Variants in PXDNL observed in about 807,000 individuals in gnomAD.
PXDNL encodes peroxidasin like, also known as probable oxidoreductase PXDNL.
In PXDNL, 145 loss-of-function variants were observed where a neutral mutation model predicts 150.8. The ratio of observed to expected loss-of-function variants is 0.96; its 90% confidence interval spans 0.84 to 1.10. PXDNL has a LOEUF of 1.10. PXDNL is among the 50% of genes least tolerant of loss of function. The pLI is 0.00. For synonymous variants in PXDNL, 757 were observed against 725.7 expected (o/e 1.04, Z -0.69); for missense variants, 2,087 against 1,873.9 (o/e 1.11, Z -2.10).
chr8:51,400,405 T>G (rs1454256844), intron 17 of PXDNL, among the ~76,000 whole-genome samples: 1 of 152,206 alleles, frequency 6.6e-6, no homozygotes, highest in Non-Finnish European at 1.5e-5. Context: ...ATTTCAGGAA[T>G]TTTGAATTTT....
chr8:51,772,237 TACACACAC>T (rs139112734), intron 1 of PXDNL, among the ~76,000 whole-genome samples: 1 of 130,340 alleles, frequency 7.7e-6, no homozygotes, highest in Non-Finnish European at 1.8e-5. Context: ...TCTCTCTATA[TACACACAC>T]ACACACACAC....
At chr8:51,545,624 T>C (rs190600473) in intron 4 of PXDNL, among the ~76,000 whole-genome samples, 48 of 152,238 alleles carry the variant, frequency 3.2e-4, no homozygotes, top group African/African-American at 1.1e-3. Context: ...CATGGCCTTA[T>C]GTCATCCCAT....
intron 3 of PXDNL, among the ~76,000 whole-genome samples, chr8:51,591,674 A>C (rs531127382): frequency 3.3e-5 from 5 of 151,554 alleles, no homozygotes; most frequent in Non-Finnish European, 7.4e-5. Context: ...GCTGGAGTGC[A>C]GTGGCGCCAT....
chr8:51,524,036 A>G (rs1224904147), intron 4 of PXDNL, among the ~76,000 whole-genome samples: 1 of 152,244 alleles, frequency 6.6e-6, no homozygotes, highest in African/African-American at 2.4e-5. Context: ...CCTCTGCAGC[A>G]GGATCTGGGC....
Position 51,801,650 on chromosome 8 carries a change from T to C in PXDNL, c.164+7531A>G, listed in dbSNP as rs138783939. 4.0e-3 allele frequency among the ~76,000 whole-genome samples: 607 copies of C among 152,292 alleles called. 4 individuals carry two copies. Among genetic ancestry groups the C allele is most frequent in the Middle Eastern group, 0.01 (3 of 294 alleles). On this transcript the variant is annotated intron_variant, in intron 1 of 22. Coordinates refer to ENST00000356297, the MANE Select transcript of PXDNL (RefSeq NM_144651.5). Reference sequence around the variant, plus strand: ...AATAGAAAGGACCTATGTTGAAATATTGGGGGCTGGTTCCCGATAAAGAAC... The same window carrying C: ...AATAGAAAGGACCTATGTTGAAATACTGGGGGCTGGTTCCCGATAAAGAAC...
intron 2 of PXDNL, among the ~76,000 whole-genome samples, chr8:51,608,002 G>GAAGGAAGAAAGAAAGA (rs1554557476): frequency 1.5e-5 from 1 of 64,690 alleles, no homozygotes; most frequent in Non-Finnish European, 2.8e-5. Flanking sequence ...AGGAAGGAAG[G>GAAGGAAGAAAGAAAGA]AAGAAAGAAA....
Position 51,345,823 on chromosome 8 carries a change from C to A in PXDNL, c.4016+10G>T. On this transcript the variant is annotated intron_variant, in intron 20 of 22. Transcript: ENST00000356297. ...AGTTGCCTAAAGAAATGAGATATTT[C>A]TATACATACCTACTTCTTAGATGAC... 1 of 1,520,600 alleles carries A rather than the reference C, an allele frequency of 6.6e-7. No individual in the cohort carries two copies. The highest frequency in any genetic ancestry group is 2.3e-5 in the East Asian group (1 of 44,378). The allele number at this position is 1,520,600 out of a possible 1,614,324, so 94.2% of individuals were successfully genotyped here.
intron 17 of PXDNL, among the ~76,000 whole-genome samples, chr8:51,379,405 A>C (rs920600527): frequency 2.6e-5 from 4 of 152,182 alleles, no homozygotes; most frequent in Admixed American, 2.6e-4. Context: ...ATGGTGTTTC[A>C]TTATGATTCT....
In PXDNL at chr8:51,319,912, A is replaced by G; in HGVS notation, c.4371T>C (p.Ser1457=). The G allele has an allele frequency of 6.5e-7, 1 of 1,548,558 alleles. No individual in the cohort carries two copies. The highest frequency in any genetic ancestry group is 8.7e-7 in the Non-Finnish European group (1 of 1,151,352). Residue 1457 remains serine (S), a synonymous_variant, in exon 23 of 23, where the codon AGT becomes AGC. Transcript: ENST00000356297. ...CPVCRDRGMP[S]DSPEKR The stretch of plus-strand genomic sequence containing the variant: ...TTTATTAGCGCTTCTCTGGGGAATC[A>G]CTTGGCATTCCTCGGTCTCTGCAAA...
At chr8:51,429,091 A>T (rs1163815837) in intron 12 of PXDNL, among the ~76,000 whole-genome samples, 1 of 152,242 alleles carries the variant, frequency 6.6e-6, no homozygotes, top group Non-Finnish European at 1.5e-5. Context: ...GCTAAAGATC[A>T]GAAGTCATTA....
At chr8:51,334,668 T>A (rs561158379) in intron 21 of PXDNL, among the ~76,000 whole-genome samples, 2 of 152,260 alleles carry the variant, frequency 1.3e-5, no homozygotes, top group East Asian at 3.9e-4. Context: ...ATGCAAAAGA[T>A]CATTCAAGGC....
chr8:51,415,955 A>T (rs542342068), intron 14 of PXDNL, among the ~76,000 whole-genome samples: 2 of 152,236 alleles, frequency 1.3e-5, no homozygotes, highest in African/African-American at 4.8e-5. Flanking sequence ...GTGTTCAAAA[A>T]AAGTCAGTAG....
intron 2 of PXDNL, among the ~76,000 whole-genome samples, chr8:51,652,001 T>C (rs1815050696): frequency 6.6e-6 from 1 of 152,222 alleles, no homozygotes; most frequent in Non-Finnish European, 1.5e-5. Context: ...CTCTGTTTAA[T>C]ACAAAAATGC....
At chr8:51,536,664 T>C (rs1208817442) in intron 4 of PXDNL, among the ~76,000 whole-genome samples, 1 of 152,138 alleles carries the variant, frequency 6.6e-6, no homozygotes, top group Non-Finnish European at 1.5e-5. Context: ...TTTAAGCTTT[T>C]GGATTCTTCT....
intron 12 of PXDNL, chr8:51,436,273 G>T: frequency 2.0e-6 from 1 of 500,018 alleles, no homozygotes; most frequent in Admixed American, 2.2e-5. Flanking sequence ...TTATATCATA[G>T]AAGAAGGTGT....
intron 3 of PXDNL, among the ~76,000 whole-genome samples, chr8:51,576,985 A>C (rs1813069226): frequency 6.6e-6 from 1 of 151,948 alleles, no homozygotes; most frequent in Non-Finnish European, 1.5e-5. Context: ...TAACTATTTA[A>C]AAAATTGAAT....
In PXDNL at chr8:51,802,498, T is replaced by C. The variant is rs77807136; in HGVS notation, c.164+6683A>G. 3.3e-3 allele frequency among the ~76,000 whole-genome samples: 502 copies of C among 152,290 alleles called. 2 individuals carry two copies. The highest frequency in any genetic ancestry group is 0.011 in the African/African-American group (443 of 41,552). ...GTGAATTTTTTTTCAGGTTATCAGC[T>C]ATTGTTAGTGTTAGTGTATTTTATG... On this transcript the variant is annotated intron_variant, in intron 1 of 22. Coordinates refer to ENST00000356297, the MANE Select transcript of PXDNL (RefSeq NM_144651.5).
intron 17 of PXDNL, among the ~76,000 whole-genome samples, chr8:51,405,557 G>T (rs988564283): frequency 1.3e-5 from 2 of 152,152 alleles, no homozygotes; most frequent in Middle Eastern, 3.2e-3. Context: ...AAAAGGAAAA[G>T]AAGTAATAAG....
chr8:51,690,844 T>A (rs1472003912), intron 1 of PXDNL, among the ~76,000 whole-genome samples: 4 of 152,154 alleles, frequency 2.6e-5, no homozygotes, highest in Non-Finnish European at 5.9e-5. Flanking sequence ...GTTTCCTGAC[T>A]TTTTAATGAT....
Sources: allele counts gnomAD v4.1 joint callset (sites outside exome capture counted in the v4.1 genomes callset), GRCh38; gene constraint gnomAD v4.1.1; transcripts MANE v1.5; gene names NCBI Gene and HGNC (gene_info 2026-07-23, HGNC 2026-07-21).